Variants in PRELID2 observed in about 807,000 individuals in gnomAD.
PRELID2 encodes PRELI domain-containing protein 2.
Under a neutral mutation model 28.4 loss-of-function variants are expected in PRELID2, and 25 were observed. That is an observed-to-expected ratio of 0.88 (90% CI 0.64 to 1.23). The LOEUF is 1.23. Ranked by LOEUF, PRELID2 falls within the 50% of genes most tolerant of loss-of-function variation. PRELID2 has a pLI of 0.00. For synonymous variants in PRELID2, 76 were observed against 71.6 expected, an observed-to-expected ratio of 1.06 and a Z score of -0.31; for missense variants, 201 against 214.4, an observed-to-expected ratio of 0.94 and a Z score of 0.39.
At chr5:145,765,327 T>C (rs1001985850) in intron 5 of PRELID2, among the ~76,000 whole-genome samples, 15 of 152,210 alleles carry the variant, frequency 9.9e-5, no homozygotes, top group Admixed American at 3.3e-4. Flanking sequence ...TGGCAGTAGT[T>C]AATATTCATT....
the PRELID2 span, among the ~76,000 whole-genome samples, chr5:145,325,694 T>C: frequency 6.6e-6 from 1 of 152,200 alleles, no homozygotes; most frequent in African/African-American, 2.4e-5. Flanking sequence ...TTTGGTCTTC[T>C]AACCTTATTC....
chr5:145,792,487 T>A (rs918348951), intron 5 of PRELID2, among the ~76,000 whole-genome samples: 1 of 152,216 alleles, frequency 6.6e-6, no homozygotes, highest in African/African-American at 2.4e-5. Context: ...CAATAAATTT[T>A]CTGCATCAGC....
chr5:145,735,691 C>T (rs1756476631), intron 1 of PRELID2, among the ~76,000 whole-genome samples: 1 of 152,086 alleles, frequency 6.6e-6, no homozygotes, highest in Non-Finnish European at 1.5e-5. Context: ...TACCTGTGTG[C>T]TCCTGGACAA....
chr5:145,365,309 G>T, the PRELID2 span, among the ~76,000 whole-genome samples: 3 of 151,986 alleles, frequency 2.0e-5, no homozygotes, highest in East Asian at 5.8e-4. Flanking sequence ...TTAGGTAATA[G>T]ATTTATTATT....
chr5:145,708,403 A>T lies in PRELID2; in HGVS notation n.70+56528T>A, dbSNP rs1755603789. On this transcript the variant is annotated intron_variant and non_coding_transcript_variant, in intron 1 of 2. Coordinates refer to the PRELID2 transcript ENST00000510259. ...AACCAGTTTGATCATTTATAAAATA[A>T]AATAGTTTATTGAGTTAGATTATTT... Among the ~76,000 whole-genome samples the T allele has an allele frequency of 2.0e-5, 3 of 152,164 alleles. No individual in the cohort carries two copies. In the South Asian group the frequency reaches 6.2e-4, roughly 32 times the overall value.
At chr5:145,261,572 C>T in the PRELID2 span, among the ~76,000 whole-genome samples, 1 of 152,134 alleles carries the variant, frequency 6.6e-6, no homozygotes, top group Admixed American at 6.5e-5. Flanking sequence ...CACTGGGTAG[C>T]TAGATCCAGA....
the PRELID2 span, among the ~76,000 whole-genome samples, chr5:145,369,958 G>A: frequency 7.1e-6 from 1 of 140,882 alleles, no homozygotes; most frequent in Non-Finnish European, 1.6e-5. Context: ...ACGTTTTAAT[G>A]GGTTTTTTTT....
At chr5:145,656,553 C>T (rs1451069838) in intron 1 of PRELID2, among the ~76,000 whole-genome samples, 1 of 152,030 alleles carries the variant, frequency 6.6e-6, no homozygotes, top group East Asian at 1.9e-4. Context: ...ACATATACAC[C>T]ATGGAATACT....
At chr5:145,375,801 G>A in the PRELID2 span, among the ~76,000 whole-genome samples, 64 of 152,326 alleles carry the variant, frequency 4.2e-4, no homozygotes, top group South Asian at 3.3e-3. Context: ...CACATCTTGG[G>A]GCCAAGCCAT....
At chr5:145,308,573 A>G in the PRELID2 span, among the ~76,000 whole-genome samples, 10 of 152,106 alleles carry the variant, frequency 6.6e-5, no homozygotes, top group Non-Finnish European at 1.3e-4. Context: ...CTATCTATCT[A>G]TCTGTGGACA....
chr5:145,319,121 G>T, the PRELID2 span, among the ~76,000 whole-genome samples: 1 of 152,094 alleles, frequency 6.6e-6, no homozygotes, highest in Non-Finnish European at 1.5e-5. Context: ...ATAGGGGGGC[G>T]TTGTGGGTCA....
the PRELID2 span, among the ~76,000 whole-genome samples, chr5:145,344,268 A>G: frequency 6.6e-6 from 1 of 152,098 alleles, no homozygotes; most frequent in East Asian, 1.9e-4. Context: ...AAATAATAGC[A>G]AACTGAATCC....
the PRELID2 span, among the ~76,000 whole-genome samples, chr5:145,399,751 C>T: frequency 1.3e-5 from 2 of 152,090 alleles, no homozygotes; most frequent in Non-Finnish European, 2.9e-5. Flanking sequence ...ATTGGACTTA[C>T]AGTTGCACAT....
At chr5:145,687,853 C>T (rs1365501668) in intron 1 of PRELID2, among the ~76,000 whole-genome samples, 8 of 152,146 alleles carry the variant, frequency 5.3e-5, no homozygotes, top group Non-Finnish European at 8.8e-5. Context: ...AAAGTCAGTG[C>T]TATTAGTCCC....
intron 1 of PRELID2, among the ~76,000 whole-genome samples, chr5:145,513,478 T>C (rs1255961045): frequency 1.3e-5 from 2 of 151,848 alleles, no homozygotes; most frequent in Non-Finnish European, 2.9e-5. Context: ...CCAAGAAATA[T>C]GGGACTATGT....
chr5:145,402,109 C>T, the PRELID2 span, among the ~76,000 whole-genome samples: 1 of 152,182 alleles, frequency 6.6e-6, no homozygotes, highest in Non-Finnish European at 1.5e-5. Context: ...GTTTACAAAT[C>T]ATTTTCACAT....
chr5:145,669,961 G>A (rs962191763), intron 1 of PRELID2, among the ~76,000 whole-genome samples: 10 of 152,048 alleles, frequency 6.6e-5, no homozygotes, highest in Non-Finnish European at 1.0e-4. Flanking sequence ...TACACTCAGC[G>A]TGAACTATTA....
rs117848534 is a variant in PRELID2, at chr5:145,485,335, T to C, written n.71-12020A>G. ...CTGGAATAAATTTGGCTATCACATA[T>C]GTATATCTGACAATTTAAAGTGAGG... On this transcript the variant is annotated intron_variant and non_coding_transcript_variant, in intron 1 of 2. Transcript: ENST00000510259. Among the ~76,000 whole-genome samples the C allele has an allele frequency of 2.2e-4, 33 of 152,318 alleles. No individual in the cohort carries two copies. In the East Asian group the frequency reaches 6.4e-3, roughly 29 times the overall value.
At chr5:145,817,198 A>AAAAAAAAAT (rs1365517052) in intron 4 of PRELID2, among the ~76,000 whole-genome samples, 8 of 70,066 alleles carry the variant, frequency 1.1e-4, no homozygotes, top group Admixed American at 3.5e-4. Context: ...TTCAAAAAAA[A>AAAAAAAAAT]ATAAATAAAT....
Sources: allele counts gnomAD v4.1 joint callset (sites outside exome capture counted in the v4.1 genomes callset), GRCh38; gene constraint gnomAD v4.1.1; transcripts MANE v1.5; gene names NCBI Gene and HGNC (gene_info 2026-07-23, HGNC 2026-07-21).